Variants in RBFOX1 observed in about 807,000 individuals in gnomAD.
RBFOX1 encodes the protein RNA binding protein fox-1 homolog 1.
RBFOX1 carries 8 observed loss-of-function variants against 57.7 expected under a neutral mutation model. That is an observed-to-expected ratio of 0.14 (90% CI 0.08 to 0.25). RBFOX1 has a LOEUF of 0.25. Ranked by LOEUF, RBFOX1 falls within the 10% of genes least tolerant of loss-of-function variation. The pLI is 1.00. For synonymous variants in RBFOX1, 326 were observed against 222.4 expected, an observed-to-expected ratio of 1.47 and a Z score of -4.15; for missense variants, 611 against 548.5, an observed-to-expected ratio of 1.11 and a Z score of -1.14.
At chr16:7,557,637 A>AAAAAAG (rs1191086535) in intron 5 of RBFOX1, among the ~76,000 whole-genome samples, 49 of 103,498 alleles carry the variant, frequency 4.7e-4, no homozygotes, top group African/African-American at 1.3e-3. Flanking sequence ...AAAAAAAAAA[A>AAAAAAG]AAAAAGAAAA....
intron 4 of RBFOX1, among the ~76,000 whole-genome samples, chr16:7,517,186 T>C (rs1482952214): frequency 7.9e-6 from 1 of 126,568 alleles, no homozygotes; most frequent in Non-Finnish European, 1.7e-5. Context: ...TGTGTGTGTG[T>C]GTTGTGGTAG....
At chr16:7,403,125 T>G (rs1295939092) in intron 4 of RBFOX1, among the ~76,000 whole-genome samples, 1 of 152,190 alleles carries the variant, frequency 6.6e-6, no homozygotes, top group Non-Finnish European at 1.5e-5. Context: ...ATATAAATTA[T>G]GTACATTTAA....
intron 5 of RBFOX1, among the ~76,000 whole-genome samples, chr16:7,532,047 G>C (rs757144163): frequency 1.3e-5 from 2 of 151,840 alleles, no homozygotes; most frequent in Non-Finnish European, 2.9e-5. Context: ...AATTGTATTT[G>C]ACTTCTGCAT....
chr16:7,164,423 C>T (rs28549950), intron 4 of RBFOX1, among the ~76,000 whole-genome samples: 2,276 of 152,276 alleles, frequency 0.015, 50 homozygotes, highest in African/African-American at 0.052. Flanking sequence ...CTGCTATAAA[C>T]ATACGTCTAC....
chr16:5,471,724 C>G (rs987905677), intron 2 of RBFOX1, among the ~76,000 whole-genome samples: 13 of 152,096 alleles, frequency 8.5e-5, no homozygotes, highest in Non-Finnish European at 1.2e-4. Context: ...TGCTCTGAGC[C>G]CAAGCTTCAG....
intron 3 of RBFOX1, chr16:5,611,460 T>C (rs937912659): frequency 6.6e-6 from 1 of 152,236 alleles, no homozygotes; most frequent in African/African-American, 2.4e-5. Flanking sequence ...TGGACCTGCC[T>C]CCCTACCAGC....
At chr16:6,678,382 C>G (rs1056349275) in intron 3 of RBFOX1, among the ~76,000 whole-genome samples, 1 of 151,984 alleles carries the variant, frequency 6.6e-6, no homozygotes, top group African/African-American at 2.4e-5. Flanking sequence ...ACTCAGCCTC[C>G]TAAAGTGCTG....
At chr16:5,675,428 G>A (rs1001373734) in intron 3 of RBFOX1, among the ~76,000 whole-genome samples, 2 of 152,082 alleles carry the variant, frequency 1.3e-5, no homozygotes, top group Non-Finnish European at 2.9e-5. Context: ...TCAGCCAGGC[G>A]GCCACAGATG....
chr16:5,489,330 C>T (rs1264238553), intron 2 of RBFOX1, among the ~76,000 whole-genome samples: 1 of 152,210 alleles, frequency 6.6e-6, no homozygotes, highest in Non-Finnish European at 1.5e-5. Flanking sequence ...GGATAAAGGG[C>T]AAAGAATTAG....
At chr16:7,409,723 G>A (rs895491305) in intron 4 of RBFOX1, among the ~76,000 whole-genome samples, 3 of 152,308 alleles carry the variant, frequency 2.0e-5, no homozygotes, top group Non-Finnish European at 4.4e-5. Flanking sequence ...TTCGTTGGAA[G>A]TTAGATTTTC....
chr16:7,141,471 G>T (rs543333641), intron 4 of RBFOX1, among the ~76,000 whole-genome samples: 1 of 152,276 alleles, frequency 6.6e-6, no homozygotes, highest in Non-Finnish European at 1.5e-5. Context: ...GGGAAAATGC[G>T]CAGCAGTCAA....
At chr16:6,648,379 G>A (rs923849460) in intron 2 of RBFOX1, among the ~76,000 whole-genome samples, 1 of 142,890 alleles carries the variant, frequency 7.0e-6, no homozygotes, top group African/African-American at 2.7e-5. Context: ...CATCGTACTT[G>A]CTGGGGTTGC....
At chr16:7,463,992 G>A (rs2060035573) in intron 4 of RBFOX1, among the ~76,000 whole-genome samples, 1 of 152,200 alleles carries the variant, frequency 6.6e-6, no homozygotes, top group Admixed American at 6.5e-5. Flanking sequence ...GAAGGAAAGT[G>A]TGAAGCTGAG....
At chr16:6,131,417 A>G (rs558571984) in intron 1 of RBFOX1, among the ~76,000 whole-genome samples, 6 of 152,332 alleles carry the variant, frequency 3.9e-5, no homozygotes, top group Non-Finnish European at 8.8e-5. Flanking sequence ...GAAAAAACCT[A>G]AAATATTTAT....
chr16:6,483,342 G>C, intron 2 of RBFOX1: 3 of 1,479,460 alleles, frequency 2.0e-6, no homozygotes, highest in Non-Finnish European at 2.7e-6. Flanking sequence ...GCTGGCGGTC[G>C]TGCCAGGCAG....
intron 1 of RBFOX1, among the ~76,000 whole-genome samples, chr16:6,290,531 A>T: frequency 6.6e-6 from 1 of 152,224 alleles, no homozygotes; most frequent in East Asian, 1.9e-4. Flanking sequence ...CATAGCAGTG[A>T]TGTCCGTGTG....
At chr16:7,144,681 A>C (rs1163872908) in intron 4 of RBFOX1, among the ~76,000 whole-genome samples, 1 of 151,194 alleles carries the variant, frequency 6.6e-6, no homozygotes, top group Non-Finnish European at 1.5e-5. Context: ...GATGGTTTTC[A>C]CTCTGCAGAG....
intron 1 of RBFOX1, among the ~76,000 whole-genome samples, chr16:6,208,971 C>T (rs755675750): frequency 6.6e-6 from 1 of 151,862 alleles, no homozygotes; most frequent in Non-Finnish European, 1.5e-5. Context: ...TTTTTTGTGA[C>T]CCAACTGGGT....
chr16:5,563,774 G>T (rs182819799), intron 2 of RBFOX1, among the ~76,000 whole-genome samples: 6 of 152,262 alleles, frequency 3.9e-5, no homozygotes, highest in African/African-American at 1.4e-4. Flanking sequence ...GAGCACTATA[G>T]CATATTTTGG....
Sources: gnomAD v4.1 joint callset for allele counts (sites outside exome capture counted in the v4.1 genomes callset) on GRCh38, gnomAD v4.1.1 for gene constraint, MANE v1.5 for transcripts, NCBI Gene and HGNC (gene_info 2026-07-23, HGNC 2026-07-21) for gene names.